The following P3H2 variants were observed in gnomAD, a reference collection of about 807,000 sequenced individuals.
P3H2 encodes prolyl 3-hydroxylase 2.
Under a neutral mutation model 87.0 loss-of-function variants are expected in P3H2, and 80 were observed. The ratio of observed to expected loss-of-function variants is 0.92; its 90% CI spans 0.77 to 1.11. The LOEUF (loss-of-function observed/expected upper bound fraction) is 1.11, where lower values mean the gene tolerates loss of function less well. Ranked by LOEUF, P3H2 falls within the 50% of genes least tolerant of loss-of-function variation. P3H2 has a pLI of 0.00. For missense variants in P3H2, 1,001 were observed against 923.9 expected, an observed-to-expected ratio of 1.08 and a Z score of -1.08; for synonymous variants, 367 against 359.3, an observed-to-expected ratio of 1.02 and a Z score of -0.24.
chr3:189,982,258 T>C (rs1245656953), intron 8 of P3H2, among the ~76,000 whole-genome samples: 2 of 152,194 alleles, frequency 1.3e-5, no homozygotes, highest in African/African-American at 4.8e-5. Context: ...TCTTCCCACA[T>C]GAGATGCTGT....
intron 1 of P3H2, among the ~76,000 whole-genome samples, chr3:190,091,189 T>C (rs915205591): frequency 2.0e-5 from 3 of 152,208 alleles, no homozygotes; most frequent in South Asian, 2.1e-4. Context: ...GCTTTTAGTA[T>C]TGATTTGGAT....
At chr3:189,998,289 T>G (rs1168448665) in intron 1 of P3H2, among the ~76,000 whole-genome samples, 2 of 152,240 alleles carry the variant, frequency 1.3e-5, no homozygotes, top group African/African-American at 4.8e-5. Context: ...ACTCTGATTC[T>G]ACAGCACTAG....
intron 1 of P3H2, among the ~76,000 whole-genome samples, chr3:190,076,670 C>T (rs968305177): frequency 6.6e-6 from 1 of 152,158 alleles, no homozygotes; most frequent in African/African-American, 2.4e-5. Flanking sequence ...TAGCCTCACT[C>T]ATCTGAGAAA....
At chr3:190,057,874 G>C (rs760198354) in intron 1 of P3H2, among the ~76,000 whole-genome samples, 3 of 152,098 alleles carry the variant, frequency 2.0e-5, no homozygotes, top group Non-Finnish European at 2.9e-5. Flanking sequence ...GAGTTCTTGA[G>C]TTTCCCTTCC....
intron 1 of P3H2, among the ~76,000 whole-genome samples, chr3:190,054,548 T>G (rs1427493842): frequency 6.6e-6 from 1 of 152,182 alleles, no homozygotes; most frequent in Non-Finnish European, 1.5e-5. Context: ...TGCTCAGTCA[T>G]GAAGCTTTGA....
chr3:190,042,428 TTGTGTGTGTGTGTG>T (rs58506083), intron 1 of P3H2, among the ~76,000 whole-genome samples: 2 of 150,760 alleles, frequency 1.3e-5, no homozygotes, highest in Middle Eastern at 3.5e-3. Context: ...TTGTAAGATT[TTGTGTGTGTGTGTG>T]TGTGTGTGTG....
chr3:190,011,041 G>C (rs920949584), intron 1 of P3H2, among the ~76,000 whole-genome samples: 1 of 152,170 alleles, frequency 6.6e-6, no homozygotes, highest in African/African-American at 2.4e-5. Flanking sequence ...GGAGGCCAAA[G>C]CAGGCAGATC....
intron 1 of P3H2, among the ~76,000 whole-genome samples, chr3:190,084,410 C>A (rs1727146013): frequency 6.6e-6 from 1 of 152,148 alleles, no homozygotes; most frequent in South Asian, 2.1e-4. Context: ...ATCTTATTTT[C>A]TTCAGAAAGT....
intron 1 of P3H2, among the ~76,000 whole-genome samples, chr3:190,023,134 T>C (rs1003309607): frequency 6.6e-6 from 1 of 152,130 alleles, no homozygotes; most frequent in African/African-American, 2.4e-5. Flanking sequence ...CCAAAATATA[T>C]ACATATAGTT....
At chr3:190,071,060 C>T (rs528150910) in intron 1 of P3H2, among the ~76,000 whole-genome samples, 15 of 152,152 alleles carry the variant, frequency 9.9e-5, no homozygotes, top group Non-Finnish European at 2.1e-4. Context: ...CTAAGATATT[C>T]ATCAAATGTG....
At chr3:189,980,080 G>A (rs577170570) in intron 8 of P3H2, among the ~76,000 whole-genome samples, 31 of 152,316 alleles carry the variant, frequency 2.0e-4, no homozygotes, top group Middle Eastern at 6.8e-3. Flanking sequence ...TGAAGCCACT[G>A]TGGGATGTAA....
intron 1 of P3H2, among the ~76,000 whole-genome samples, chr3:190,106,765 A>G (rs1205927903): frequency 6.6e-6 from 1 of 152,176 alleles, no homozygotes; most frequent in East Asian, 1.9e-4. Context: ...CTGGATGCAG[A>G]TTCTGATTCT....
At chr3:189,987,199 G>A (rs1272970456) in intron 5 of P3H2, among the ~76,000 whole-genome samples, 3 of 152,192 alleles carry the variant, frequency 2.0e-5, no homozygotes, top group Non-Finnish European at 4.4e-5. Flanking sequence ...TTCAGGCCAG[G>A]CGCGGTGGCT....
intron 1 of P3H2, among the ~76,000 whole-genome samples, chr3:190,058,199 C>T (rs953928600): frequency 2.6e-5 from 4 of 152,104 alleles, no homozygotes; most frequent in African/African-American, 7.2e-5. Context: ...ATGCCTTGTA[C>T]ATAGATTTTA....
chr3:189,960,438 G>A (rs887705577), intron 14 of P3H2, among the ~76,000 whole-genome samples: 3 of 152,170 alleles, frequency 2.0e-5, no homozygotes, highest in Non-Finnish European at 4.4e-5. Flanking sequence ...TGTGGCAAGA[G>A]TTCTATTTTC....
chr3:189,996,138 G>A (rs1056791323), intron 1 of P3H2, among the ~76,000 whole-genome samples: 4 of 152,182 alleles, frequency 2.6e-5, no homozygotes, highest in Admixed American at 6.5e-5. Context: ...AAGTCAGTAT[G>A]TTGAAGCTAT....
rs370122622 is a variant in P3H2 at position 190,007,965 on chromosome 3, C to T, written c.481-12523G>A. On this transcript the variant is annotated intron_variant, in intron 1 of 14. Transcript: ENST00000319332. ...GCCTGAGACTCTATTTGTTGACACACATATATATATATATATATATAGTAA... is the reference window on the plus strand; with the variant it reads ...GCCTGAGACTCTATTTGTTGACACATATATATATATATATATATATAGTAA... Among the ~76,000 whole-genome samples the T allele has an allele frequency of 2.7e-3, 255 of 94,358 alleles. 5 individuals carry two copies. The highest frequency in any genetic ancestry group is 7.0e-3 in the South Asian group (17 of 2,432). The allele number at this position is 94,358 out of a possible 152,430, so 61.9% of individuals were successfully genotyped here. A position where few individuals can be genotyped will look rare whatever the true frequency, so the allele number is the denominator to read the frequency against.
rs557410377 is a variant in P3H2 at position 189,966,129 on chromosome 3, AAGAAAGAAAG to A, written c.1894-2041_1894-2032del. Among the ~76,000 whole-genome samples the A allele has an allele frequency of 9.6e-3, 543 of 56,280 alleles. 9 individuals are homozygous for A. The highest frequency in any genetic ancestry group is 0.028 in the African/African-American group (527 of 18,986). The allele number at this position is 56,280 out of a possible 152,430, so 36.9% of individuals were successfully genotyped here. A position where few individuals can be genotyped will look rare whatever the true frequency, so the allele number is the denominator to read the frequency against. On this transcript the variant is annotated intron_variant, in intron 13 of 14. Coordinates refer to ENST00000319332, the MANE Select transcript of P3H2 (RefSeq NM_018192.4). The stretch of plus-strand genomic sequence containing the variant: ...AAAAAGAAAGAAAGAAAGAAAAAGA[AAGAAAGAAAG>A]AAAGAAAGAAAGAAAGAAAGAAAGA...
At chr3:190,029,527 T>C (rs1725188120) in intron 1 of P3H2, among the ~76,000 whole-genome samples, 1 of 152,060 alleles carries the variant, frequency 6.6e-6, no homozygotes. Context: ...AATTAAAGTA[T>C]CTGACCAATG....
Sources: gnomAD v4.1 joint callset for allele counts (sites outside exome capture counted in the v4.1 genomes callset) on GRCh38, gnomAD v4.1.1 for gene constraint, MANE v1.5 for transcripts, NCBI Gene and HGNC (gene_info 2026-07-23, HGNC 2026-07-21) for gene names.